The following LRRC36 variants were observed in gnomAD, a reference collection of about 807,000 sequenced individuals.
The protein encoded by LRRC36 is leucine-rich repeat-containing protein 36.
LRRC36 carries 62 observed loss-of-function variants against 81.1 expected under a neutral mutation model. The observed-to-expected ratio is 0.76, with a 90% confidence interval of 0.62 to 0.94. The LOEUF (loss-of-function observed/expected upper bound fraction) is 0.94, where lower values mean the gene tolerates loss of function less well. Among genes scored for constraint, LRRC36 ranks in the 40% least tolerant of loss-of-function variants. The probability of loss-of-function intolerance (pLI) is 0.00; values close to 1 mark genes in which losing one functional copy is unlikely to be tolerated. For missense variants in LRRC36, 761 were observed against 881.7 expected (o/e 0.86, Z 1.73); for synonymous variants, 334 against 348.6 (o/e 0.96, Z 0.47).
At chr16:67,355,344 T>C (rs942281788) in intron 5 of LRRC36, among the ~76,000 whole-genome samples, 2 of 149,560 alleles carry the variant, frequency 1.3e-5, no homozygotes, top group East Asian at 2.0e-4. Flanking sequence ...ATTGTTCCAA[T>C]ATAATCTTTT....
intron 1 of LRRC36, 49 bp from the exon 2 acceptor site, chr16:67,341,908 G>A: frequency 1.3e-6 from 2 of 1,518,912 alleles, no homozygotes; most frequent in Non-Finnish European, 1.8e-6. Flanking sequence ...TGACTCTGCT[G>A]TTGATCCGAG....
chr16:67,371,234 G>C lies in LRRC36; in HGVS notation c.1486G>C (p.Gly496Arg). Residue 496 changes from glycine (G) to arginine (R), a missense_variant, in exon 9 of 14, where the codon GGC (glycine) becomes CGC (arginine). By Grantham distance (125) the Gly-to-Arg change is moderately radical (BLOSUM62 -2). This residue lies in a region of LRRC36 where 359 missense variants were observed against 388.4 expected (regional missense o/e 0.92). Coordinates refer to ENST00000329956, the MANE Select transcript of LRRC36 (RefSeq NM_018296.6). ...NLKHGFQDATGSEPLSSDLGS... is the reference protein window; with the variant it reads ...NLKHGFQDATRSEPLSSDLGS... ...AAAGCATGGTTTCCAAGATGCTACAGGCAGCGAGGCAAGTGTTGGCTTGTT... is the reference window on the plus strand; with the variant it reads ...AAAGCATGGTTTCCAAGATGCTACACGCAGCGAGGCAAGTGTTGGCTTGTT... 6.2e-7 allele frequency: 1 copy of C among 1,614,180 alleles called. No homozygotes were observed. The highest frequency in any genetic ancestry group is 8.5e-7 in the Non-Finnish European group (1 of 1,180,038).
intron 1 of LRRC36, among the ~76,000 whole-genome samples, chr16:67,340,291 G>A (rs1396063643): frequency 6.6e-6 from 1 of 152,190 alleles, no homozygotes; most frequent in African/African-American, 2.4e-5. Flanking sequence ...GCTATTCGCA[G>A]TTTGGCCTAC....
At chr16:67,350,907 G>A (rs1393276005) in intron 5 of LRRC36, among the ~76,000 whole-genome samples, 8 of 152,074 alleles carry the variant, frequency 5.3e-5, no homozygotes, top group African/African-American at 1.9e-4. Context: ...GCTTGGTGGC[G>A]CATGCCTGTA....
chr16:67,344,104 AC>A (rs1197969922), intron 2 of LRRC36, among the ~76,000 whole-genome samples: 1 of 152,192 alleles, frequency 6.6e-6, no homozygotes, highest in Non-Finnish European at 1.5e-5. Flanking sequence ...GGCATGAGCC[AC>A]CATGCCCAGC....
chr16:67,344,629 A>T (rs1033612276), intron 2 of LRRC36, among the ~76,000 whole-genome samples: 1 of 152,166 alleles, frequency 6.6e-6, no homozygotes, highest in Non-Finnish European at 1.5e-5. Flanking sequence ...GAGCTGGGCC[A>T]TTAGACCATG....
At chr16:67,333,219 T>C (rs1193777834) in intron 1 of LRRC36, among the ~76,000 whole-genome samples, 1 of 152,142 alleles carries the variant, frequency 6.6e-6, no homozygotes, top group East Asian at 1.9e-4. Flanking sequence ...CTGCAACCTC[T>C]ATCCCAGGTT....
At chr16:67,379,058 G>A (rs1239170730) in intron 12 of LRRC36, among the ~76,000 whole-genome samples, 1 of 152,112 alleles carries the variant, frequency 6.6e-6, no homozygotes, top group South Asian at 2.1e-4. Context: ...CCATGATCCA[G>A]CAATAACTTC....
At chr16:67,335,015 G>A (rs919726808) in intron 1 of LRRC36, among the ~76,000 whole-genome samples, 2 of 152,174 alleles carry the variant, frequency 1.3e-5, no homozygotes, top group Non-Finnish European at 2.9e-5. Context: ...GAGGCAGGGC[G>A]AGATCACAGG....
chr16:67,326,866 G>A lies in LRRC36; in HGVS notation c.4G>A (p.Ala2Thr). ...GGCAGGTGAGCGGCGGGCGGGGATG[G>A]CGGAGCAATGGGAGCTGGACGAGGA... is the stretch of plus-strand genomic sequence containing the variant. M[A>T]EQWELDEEGI... The change falls in exon 1 of 14, where the codon GCG (alanine) becomes ACG (threonine). Residue 2 changes from alanine to threonine, a missense_variant. Ala to Thr is a moderately conservative substitution (Grantham distance 58, BLOSUM62 0). Coordinates refer to ENST00000329956, the MANE Select transcript of LRRC36 (RefSeq NM_018296.6). The A allele has an allele frequency of 7.0e-7, 1 of 1,438,730 alleles. No homozygotes were observed. The highest frequency in any genetic ancestry group is 9.0e-7 in the Non-Finnish European group (1 of 1,106,324). 89.1% of individuals were successfully genotyped at this position (1,438,730 alleles called of 1,614,324 possible).
chr16:67,384,718 G>T, intron 13 of LRRC36, 152 bp from the exon 14 acceptor site: 1 of 614,412 alleles, frequency 1.6e-6, no homozygotes, highest in Non-Finnish European at 2.9e-6. Flanking sequence ...CTTTAAGTCT[G>T]CTTTTAAAAT....
intron 9 of LRRC36, chr16:67,371,502 C>T: frequency 2.0e-6 from 1 of 503,368 alleles, no homozygotes; most frequent in Non-Finnish European, 3.6e-6. Flanking sequence ...GAAGATTGAA[C>T]TCTGTAGCAT....
At chr16:67,326,989 G>C in intron 1 of LRRC36, 57 bp downstream of exon 1, 1 of 1,436,310 alleles carries the variant, frequency 7.0e-7, no homozygotes, top group South Asian at 1.5e-5. Flanking sequence ...GCTGTGGAAA[G>C]AAAACTGAAG....
In LRRC36 at chr16:67,350,294, A is replaced by C. The variant is rs1412215408; in HGVS notation, c.577+4A>C. 6.2e-7 allele frequency: 1 copy of C among 1,605,676 alleles called. No homozygotes were observed. Among genetic ancestry groups the C allele is most frequent in the Non-Finnish European group, 8.5e-7 (1 of 1,174,386 alleles). On this transcript the variant is annotated splice_donor_region_variant and intron_variant, in intron 5 of 13. Transcript: ENST00000329956. ...GTTGACAGCAGGATTGAAATGGGTA[A>C]GTTTTCTCCCTGTGATTATAAAATG...
intron 2 of LRRC36, among the ~76,000 whole-genome samples, chr16:67,344,398 A>G (rs1221823408): frequency 6.6e-6 from 1 of 152,082 alleles, no homozygotes; most frequent in Non-Finnish European, 1.5e-5. Context: ...TAGCTTGAGC[A>G]ATAAAGCAAG....
chr16:67,350,230 G>GT lies in LRRC36; in HGVS notation c.518dup (p.Thr174AsnfsTer3). On this transcript the variant is annotated frameshift_variant, in exon 5 of 14. Coordinates refer to ENST00000329956, the MANE Select transcript of LRRC36 (RefSeq NM_018296.6). LOFTEE classifies it high-confidence loss of function. ...TAGGGAGAAGACAATGAAAAACTGT[G>GT]TAACAGGTGAGAGCTCTGCATCAAA... The GT allele has an allele frequency of 6.2e-7, 1 of 1,612,094 alleles. No individual in the cohort carries two copies. Among genetic ancestry groups the GT allele is most frequent in the Non-Finnish European group, 8.5e-7 (1 of 1,179,308 alleles).
intron 1 of LRRC36, among the ~76,000 whole-genome samples, chr16:67,335,872 A>G (rs1439635089): frequency 6.6e-6 from 1 of 151,984 alleles, no homozygotes; most frequent in South Asian, 2.1e-4. Flanking sequence ...AGCTGGGATT[A>G]CGGGCATGTG....
At chr16:67,352,446 C>G (rs1471143) in intron 5 of LRRC36, among the ~76,000 whole-genome samples, 33,109 of 152,000 alleles carry the variant, frequency 0.22, 7,247 homozygotes, top group African/African-American at 0.57. Flanking sequence ...CGAATGGGCA[C>G]TGAACCTCCA....
At position 67,376,858 on chromosome 16, in the gene LRRC36, G is replaced by A. The variant is rs759171566; in HGVS notation, c.1792G>A (p.Val598Ile). ...ELELKEAAQL[V>I]PNDMESLKQK... is the part of the protein sequence containing the mutation. ...TGAACTGAAGGAGGCTGCGCAGCTG[G>A]TCCCTAATGACATGGTATGCCCCTC... The change falls in exon 11 of 14, where the codon GTC (valine) becomes ATC (isoleucine). Residue 598 changes from valine (V) to isoleucine (I), a missense_variant. Coordinates refer to ENST00000329956, the MANE Select transcript of LRRC36 (RefSeq NM_018296.6). 5 of 1,612,466 alleles carry A rather than the reference G, an allele frequency of 3.1e-6. No individual in the cohort carries two copies. The South Asian group carries it at 5.5e-5, about 18-fold the overall frequency.
Sources: gnomAD v4.1 joint callset for allele counts (sites outside exome capture counted in the v4.1 genomes callset) on GRCh38, gnomAD v4.1.1 for gene constraint, gnomAD v4.1.1 regional missense constraint, MANE v1.5 for transcripts, NCBI Gene and HGNC (gene_info 2026-07-23, HGNC 2026-07-21) for gene names.